Variants in EMILIN2 observed in about 807,000 individuals in gnomAD.
EMILIN2 encodes the protein elastin microfibril interfacer 2, also known as EMILIN-2.
EMILIN2 carries 71 observed loss-of-function variants against 87.1 expected under a neutral mutation model. That is an observed-to-expected ratio of 0.82 (90% CI 0.67 to 0.99). The LOEUF (loss-of-function observed/expected upper bound fraction) is 0.99, where lower values mean the gene tolerates loss of function less well. EMILIN2 is among the 50% of genes least tolerant of loss of function. EMILIN2 has a pLI of 0.00. For synonymous variants in EMILIN2, 581 were observed against 563.4 expected (o/e 1.03, Z -0.44); for missense variants, 1,407 against 1,371.8 (o/e 1.03, Z -0.40).
intron 2 of EMILIN2, among the ~76,000 whole-genome samples, chr18:2,867,502 C>G (rs1458399564): frequency 6.6e-6 from 1 of 152,126 alleles, no homozygotes; most frequent in Non-Finnish European, 1.5e-5. Flanking sequence ...CTGCGGCCTT[C>G]CGCAGTGTTT....
chr18:2,902,271 A>G (rs561178627), intron 4 of EMILIN2, among the ~76,000 whole-genome samples: 1 of 152,302 alleles, frequency 6.6e-6, no homozygotes, highest in African/African-American at 2.4e-5. Context: ...TATTCACCCA[A>G]TACTTAAATT....
chr18:2,911,259 G>A (rs531292256), intron 7 of EMILIN2, among the ~76,000 whole-genome samples: 1 of 152,304 alleles, frequency 6.6e-6, no homozygotes, highest in East Asian at 1.9e-4. Flanking sequence ...GGGGCCGTCC[G>A]CATGCACAGG....
chr18:2,851,548 C>A (rs527491724), intron 2 of EMILIN2, among the ~76,000 whole-genome samples: 1 of 152,188 alleles, frequency 6.6e-6, no homozygotes, highest in South Asian at 2.1e-4. Flanking sequence ...GATGGAGGTA[C>A]TCATTTAAAT....
chr18:2,858,561 A>ATGTGTGTGTGTG (rs2076641776), intron 2 of EMILIN2, among the ~76,000 whole-genome samples: 1 of 67,412 alleles, frequency 1.5e-5, no homozygotes, highest in African/African-American at 1.2e-4. Context: ...ATATATATAT[A>ATGTGTGTGTGTG]TATATATATG....
At chr18:2,875,671 C>CGG (rs74679484) in intron 2 of EMILIN2, among the ~76,000 whole-genome samples, 11 of 151,844 alleles carry the variant, frequency 7.2e-5, no homozygotes, top group Admixed American at 2.6e-4. Flanking sequence ...CATGCATGAG[C>CGG]TATATTTCAA....
rs1299747766 is a variant in EMILIN2 at position 2,906,787 on chromosome 18, G to C, written c.2364G>C (p.Ala788=). The change falls in exon 5 of 8, where the codon GCG becomes GCC. Residue 788 remains alanine (A), a synonymous_variant. Coordinates refer to ENST00000254528, the MANE Select transcript of EMILIN2 (RefSeq NM_032048.3). ...TTTCTCCCCGACGCCCGGCAGAGGC[G>C]CCCTCGCCCCCGCCGCCCGCAGAGG... ...DLVKFQPSAK[A]PSPPPPAEAP... The C allele has an allele frequency of 1.6e-6, 2 of 1,262,878 alleles. No homozygotes were observed. Among genetic ancestry groups the C allele is most frequent in the Admixed American group, 4.3e-5 (1 of 23,402 alleles). 78.2% of individuals were successfully genotyped at this position (1,262,878 alleles called of 1,614,324 possible).
intron 2 of EMILIN2, among the ~76,000 whole-genome samples, chr18:2,855,775 C>T (rs186603027): frequency 1.2e-4 from 19 of 152,324 alleles, no homozygotes; most frequent in African/African-American, 4.1e-4. Flanking sequence ...ACTTTCCTCA[C>T]GTCTACATGA....
chr18:2,913,653 A>AC lies in EMILIN2; in HGVS notation c.*249_*250insC. On this transcript the variant is annotated 3_prime_UTR_variant, in exon 8 of 8. Coordinates refer to ENST00000254528, the MANE Select transcript of EMILIN2 (RefSeq NM_032048.3). ...AACTGGACAACTGGAAGACTTGGAAAGGCCTCCACCTGTATCTACACTCTG... is the reference window on the plus strand; with the variant it reads ...AACTGGACAACTGGAAGACTTGGAAACGGCCTCCACCTGTATCTACACTCTG... The AC allele has an allele frequency of 2.9e-5, 11 of 379,326 alleles. No homozygotes were observed. Among genetic ancestry groups the AC allele is most frequent in the South Asian group, 9.8e-5 (2 of 20,444 alleles). The allele number at this position is 379,326 out of a possible 1,614,324, so 23.5% of individuals were successfully genotyped here. A position where few individuals can be genotyped will look rare whatever the true frequency, so the allele number is the denominator to read the frequency against.
At chr18:2,860,108 G>A (rs558563115) in intron 2 of EMILIN2, among the ~76,000 whole-genome samples, 37 of 152,166 alleles carry the variant, frequency 2.4e-4, no homozygotes, top group Non-Finnish European at 2.9e-4. Context: ...TGTGAAGAAT[G>A]ATGGTGTTAT....
At chr18:2,867,669 A>G (rs529906572) in intron 2 of EMILIN2, among the ~76,000 whole-genome samples, 79 of 152,356 alleles carry the variant, frequency 5.2e-4, no homozygotes, top group Admixed American at 3.6e-3. Flanking sequence ...GGTTGGGGGT[A>G]AGGTCACAGA....
chr18:2,873,408 T>C (rs2076730708), intron 2 of EMILIN2, among the ~76,000 whole-genome samples: 1 of 148,574 alleles, frequency 6.7e-6, no homozygotes, highest in Non-Finnish European at 1.5e-5. Flanking sequence ...AGATTCCGTC[T>C]CAACAAAATA....
chr18:2,866,015 C>T (rs1005559265), intron 2 of EMILIN2, among the ~76,000 whole-genome samples: 10 of 152,260 alleles, frequency 6.6e-5, no homozygotes, highest in Admixed American at 2.6e-4. Context: ...GAGCCTGGTG[C>T]GGGATATAAT....
rs1379207992 is a variant in EMILIN2, at chr18:2,880,463, A to G, written c.258-4501A>G. Among the ~76,000 whole-genome samples the G allele has an allele frequency of 1.3e-5, 2 of 152,194 alleles. No individual in the cohort carries two copies. The highest frequency in any genetic ancestry group is 2.9e-5 in the Non-Finnish European group (2 of 68,018). ...TTCACAGGGGCGAGGCGGCAGGGCG[A>G]CAGGCCCAGGGTTACAGCCCCAAGG... is the stretch of plus-strand genomic sequence containing the variant. On this transcript the variant is annotated intron_variant, in intron 2 of 7. Coordinates refer to ENST00000254528, the MANE Select transcript of EMILIN2 (RefSeq NM_032048.3). This position sits in a 1 kb window ranked among gnomAD's most constrained non-coding sequence, Gnocchi z 4.1.
At chr18:2,910,169 C>T (rs1187213393) in intron 7 of EMILIN2, among the ~76,000 whole-genome samples, 1 of 139,840 alleles carries the variant, frequency 7.2e-6, no homozygotes, top group Non-Finnish European at 1.6e-5. Context: ...CTGATAGCCA[C>T]CATTGCACCC....
upstream of EMILIN2, chr18:2,846,814 A>T (rs11664106): frequency 0.36 from 353,739 of 985,196 alleles, 65,294 homozygotes; most frequent in Admixed American, 0.44. This position sits in a 1 kb window ranked among gnomAD's most constrained non-coding sequence, Gnocchi z 5.3. Context: ...GCTGTAACGT[A>T]GACCCTTATC....
At chr18:2,876,781 A>G (rs2076751386) in intron 2 of EMILIN2, among the ~76,000 whole-genome samples, 1 of 152,106 alleles carries the variant, frequency 6.6e-6, no homozygotes, top group African/African-American at 2.4e-5. Flanking sequence ...ATATATAGAT[A>G]TATGTACAAA....
At chr18:2,852,320 G>T (rs955662906) in intron 2 of EMILIN2, among the ~76,000 whole-genome samples, 3 of 152,128 alleles carry the variant, frequency 2.0e-5, no homozygotes, top group Admixed American at 6.5e-5. Context: ...TATTAGAGAG[G>T]CGAGAGTTAT....
At chr18:2,912,760 G>A (rs551825941) in intron 7 of EMILIN2, among the ~76,000 whole-genome samples, 89 of 152,270 alleles carry the variant, frequency 5.8e-4, no homozygotes, top group African/African-American at 1.9e-3. Context: ...CCTGCCTCCC[G>A]GGTATTCTGC....
rs1163843709 is a variant in EMILIN2 at position 2,892,441 on chromosome 18, A to G, written c.2314A>G (p.Ile772Val). The change falls in exon 4 of 8, where the codon ATT (isoleucine) becomes GTT (valine). Residue 772 changes from isoleucine to valine, a missense_variant. Ile to Val is a conservative substitution (Grantham distance 29). Transcript: ENST00000254528. ...GCAGTTCTACAGCCACGTCTTCCAG[A>G]TTTCTACTGATTTGCAAGATCTGGT... is the stretch of plus-strand genomic sequence containing the variant. ...VQQFYSHVFQ[I>V]STDLQDLVKF... 1.2e-6 allele frequency: 2 copies of G among 1,608,252 alleles called. No homozygotes were observed. Among genetic ancestry groups the G allele is most frequent in the South Asian group, 1.1e-5 (1 of 90,966 alleles).
Sources: gnomAD v4.1 joint callset for allele counts (sites outside exome capture counted in the v4.1 genomes callset) on GRCh38, gnomAD v4.1.1 for gene constraint, Gnocchi (gnomAD v3.1) non-coding constraint, MANE v1.5 for transcripts, NCBI Gene and HGNC (gene_info 2026-07-23, HGNC 2026-07-21) for gene names.